Variants in MYO18B observed in about 807,000 individuals in gnomAD.
The protein encoded by MYO18B is unconventional myosin-XVIIIb.
A neutral mutation model predicts 273.0 loss-of-function variants in MYO18B; 204 were observed. That is an observed-to-expected ratio of 0.75 (90% CI 0.67 to 0.84). The LOEUF is 0.84. Ranked by LOEUF, MYO18B falls within the 40% of genes least tolerant of loss-of-function variation. The pLI is 0.00. For missense variants in MYO18B, 3,212 were observed against 3,287.6 expected (o/e 0.98, Z 0.56); for synonymous variants, 1,330 against 1,305.7 (o/e 1.02, Z -0.40).
intron 33 of MYO18B, among the ~76,000 whole-genome samples, chr22:25,917,481 G>A (rs1292580096): frequency 5.4e-5 from 8 of 148,144 alleles, no homozygotes; most frequent in Middle Eastern, 3.4e-3. Flanking sequence ...ATTTTATTTC[G>A]CTTGATTTAT....
At chr22:25,953,589 G>A (rs1049738290) in intron 38 of MYO18B, 1 of 152,124 alleles carries the variant, frequency 6.6e-6, no homozygotes, top group African/African-American at 2.4e-5. Flanking sequence ...ACCCTCAGTG[G>A]TTCCCAGAAA....
At chr22:25,975,603 C>T (rs926745894) in intron 39 of MYO18B, among the ~76,000 whole-genome samples, 1 of 152,196 alleles carries the variant, frequency 6.6e-6, no homozygotes, top group Admixed American at 6.5e-5. Context: ...GTGATTTGCC[C>T]AAGGCCAGAT....
chr22:25,895,337 C>T (rs2091773577), intron 28 of MYO18B, 57 bp downstream of exon 28: 2 of 1,543,412 alleles, frequency 1.3e-6, no homozygotes, highest in South Asian at 1.2e-5. Context: ...CAGGCTCTCA[C>T]CTCCACTGTG....
downstream of MYO18B, among the ~76,000 whole-genome samples, chr22:26,035,668 C>T (rs1256770741): frequency 6.6e-6 from 1 of 152,216 alleles, no homozygotes; most frequent in African/African-American, 2.4e-5. Flanking sequence ...ATTGAGACAA[C>T]AAATGTTGCT....
chr22:26,011,092 A>G (rs1029850305), intron 42 of MYO18B, among the ~76,000 whole-genome samples: 2 of 150,060 alleles, frequency 1.3e-5, no homozygotes, highest in Admixed American at 6.7e-5. Context: ...AGCTTCAGGC[A>G]TTACTAGATC....
intron 21 of MYO18B, among the ~76,000 whole-genome samples, chr22:25,867,955 T>C (rs1414380187): frequency 6.6e-6 from 1 of 152,220 alleles, no homozygotes; most frequent in African/African-American, 2.4e-5. Flanking sequence ...AGTTCATTTA[T>C]GTATATACAC....
chr22:25,776,785 G>A (rs1352771081), intron 7 of MYO18B, among the ~76,000 whole-genome samples: 1 of 152,188 alleles, frequency 6.6e-6, no homozygotes, highest in African/African-American at 2.4e-5. Context: ...CACCTAGAGA[G>A]GGGTTGTGGG....
chr22:25,814,787 A>G (rs2088929966), intron 12 of MYO18B, among the ~76,000 whole-genome samples: 1 of 152,218 alleles, frequency 6.6e-6, no homozygotes, highest in African/African-American at 2.4e-5. Flanking sequence ...CTCAGAATTC[A>G]TCTTCTGCCA....
At chr22:25,746,303 T>A (rs2085776979) in intron 1 of MYO18B, among the ~76,000 whole-genome samples, 1 of 152,178 alleles carries the variant, frequency 6.6e-6, no homozygotes, top group African/African-American at 2.4e-5. Flanking sequence ...TTTTTTCAGT[T>A]CTTTCCCTGT....
chr22:25,815,860 G>A (rs1601781148), intron 12 of MYO18B, among the ~76,000 whole-genome samples: 1 of 152,158 alleles, frequency 6.6e-6, no homozygotes, highest in East Asian at 1.9e-4. Flanking sequence ...CCAAACACCT[G>A]CTCATAGTCC....
At chr22:25,927,765 C>A (rs375059163) in intron 34 of MYO18B, among the ~76,000 whole-genome samples, 4 of 152,134 alleles carry the variant, frequency 2.6e-5, no homozygotes, top group Non-Finnish European at 4.4e-5. Context: ...CCCCCGGACA[C>A]CCAGCTTTTA....
At chr22:25,895,330 G>T in intron 28 of MYO18B, 50 bp downstream of exon 28, 1 of 1,553,100 alleles carries the variant, frequency 6.4e-7, no homozygotes, top group Admixed American at 1.9e-5. Context: ...GAGTGGGCAG[G>T]CTCTCACCTC....
At chr22:26,017,046 TTCCTTCCTTCCTTCC>T in intron 42 of MYO18B, among the ~76,000 whole-genome samples, 1 of 147,180 alleles carries the variant, frequency 6.8e-6, no homozygotes. Context: ...CCTTCCTTCC[TTCCTTCCTTCCTTCC>T]TTCCTTCCTT....
intron 21 of MYO18B, among the ~76,000 whole-genome samples, chr22:25,856,800 C>A (rs2090586410): frequency 6.6e-6 from 1 of 152,140 alleles, no homozygotes; most frequent in Non-Finnish European, 1.5e-5. Flanking sequence ...TTCTTGTTAG[C>A]CAAGTTAGAG....
Position 25,769,188 on chromosome 22 carries a change from A to G in MYO18B, c.1272A>G (p.Thr424=). The G allele has an allele frequency of 1.2e-6, 2 of 1,610,964 alleles. No homozygotes were observed. The highest frequency in any genetic ancestry group is 8.5e-7 in the Non-Finnish European group (1 of 1,178,726). The change falls in exon 4 of 44, where the codon ACA becomes ACG. Residue 424 remains threonine (T), a synonymous_variant. Coordinates refer to ENST00000335473, the MANE Select transcript of MYO18B (RefSeq NM_032608.7). The part of the protein sequence containing the change: ...KGCEAPKEVS[T]MVESPAAPGK... Reference sequence around the variant, plus strand: ...GTGAAGCCCCAAAGGAGGTGAGCACAATGGTGGAGTCGCCAGCAGCTCCTG... The same window carrying G: ...GTGAAGCCCCAAAGGAGGTGAGCACGATGGTGGAGTCGCCAGCAGCTCCTG...
intron 17 of MYO18B, among the ~76,000 whole-genome samples, chr22:25,842,411 G>A (rs909769499): frequency 6.6e-5 from 10 of 152,092 alleles, no homozygotes; most frequent in African/African-American, 1.4e-4. Context: ...GGTGGCTCAC[G>A]CCTGTAATCC....
At position 25,782,186 on chromosome 22, in the gene MYO18B, A is replaced by G. The variant is rs923743942; in HGVS notation, c.2312+352A>G. Reference sequence around the variant, plus strand: ...TTGTAATGTGGAAACAACACCTTGCATAGACCTTATAGGATTAAGAGAGAT... The same window carrying G: ...TTGTAATGTGGAAACAACACCTTGCGTAGACCTTATAGGATTAAGAGAGAT... On this transcript the variant is annotated intron_variant, in intron 10 of 43. Transcript: ENST00000335473. Among the ~76,000 whole-genome samples, 6 of 152,366 alleles carry G rather than the reference A, an allele frequency of 3.9e-5. No individual in the cohort carries two copies. In the East Asian group the frequency reaches 9.6e-4, roughly 24 times the overall value.
intron 25 of MYO18B, chr22:25,884,633 A>G (rs1027567024): frequency 6.6e-6 from 1 of 152,220 alleles, no homozygotes; most frequent in African/African-American, 2.4e-5. Context: ...AACCGAGTCC[A>G]TAATCTCTTC....
intron 40 of MYO18B, among the ~76,000 whole-genome samples, chr22:26,000,380 G>T (rs1933836324): frequency 6.6e-6 from 1 of 152,044 alleles, no homozygotes; most frequent in South Asian, 2.1e-4. Flanking sequence ...CTCTCTTCTT[G>T]ACCCCTTGGT....
Sources: allele counts gnomAD v4.1 joint callset (sites outside exome capture counted in the v4.1 genomes callset), GRCh38; gene constraint gnomAD v4.1.1; transcripts MANE v1.5; gene names NCBI Gene and HGNC (gene_info 2026-07-23, HGNC 2026-07-21).